The following R3HDM1 variants were observed in gnomAD, a reference collection of about 807,000 sequenced individuals.
R3HDM1 encodes R3H domain containing 1.
Under a neutral mutation model 141.1 loss-of-function variants are expected in R3HDM1, and 46 were observed. That is an observed-to-expected ratio of 0.33 (90% CI 0.26 to 0.42). The LOEUF is 0.42. Among genes scored for constraint, R3HDM1 ranks in the 10% least tolerant of loss-of-function variants. The probability of loss-of-function intolerance (pLI) is 1.00; values close to 1 mark genes in which losing one functional copy is unlikely to be tolerated. For synonymous variants in R3HDM1, 435 were observed against 472.9 expected, an observed-to-expected ratio of 0.92 and a Z score of 1.04; for missense variants, 1,184 against 1,368.3, an observed-to-expected ratio of 0.87 and a Z score of 2.12.
intron 1 of R3HDM1, chr2:135,577,150 A>C: frequency 1.0e-6 from 1 of 981,054 alleles, no homozygotes; most frequent in African/African-American, 1.7e-5. Flanking sequence ...TTTGTGTATG[A>C]AAAAGGCTTT....
At chr2:135,560,899 A>G (rs1701685951) in intron 1 of R3HDM1, among the ~76,000 whole-genome samples, 1 of 152,220 alleles carries the variant, frequency 6.6e-6, no homozygotes, top group Non-Finnish European at 1.5e-5. Context: ...AAGCATCCTG[A>G]GTCTCTGAGT....
intron 1 of R3HDM1, among the ~76,000 whole-genome samples, chr2:135,588,873 T>C (rs1280770138): frequency 6.6e-6 from 1 of 152,178 alleles, no homozygotes; most frequent in Non-Finnish European, 1.5e-5. Context: ...TCTGTATTTT[T>C]CAAATGTGTT....
chr2:135,662,527 CTTT>C lies in R3HDM1; in HGVS notation c.2152+1137_2152+1139del, dbSNP rs1219047182. ...TCGTTGTTAGTTTACAGGTTCTCCCCTTTTTAGTATGTTACTAGCCTTGTATTG... is the reference window on the plus strand; with the variant it reads ...TCGTTGTTAGTTTACAGGTTCTCCCCTTAGTATGTTACTAGCCTTGTATTG... On this transcript the variant is annotated intron_variant, in intron 19 of 26. Transcript: ENST00000683871. Among the ~76,000 whole-genome samples, 7 of 152,232 alleles carry C rather than the reference CTTT, an allele frequency of 4.6e-5. No individual in the cohort carries two copies. In the East Asian group the frequency reaches 1.4e-3, roughly 29 times the overall value.
intron 1 of R3HDM1, among the ~76,000 whole-genome samples, chr2:135,564,057 C>G (rs1216466049): frequency 2.0e-5 from 3 of 152,118 alleles, no homozygotes; most frequent in Non-Finnish European, 4.4e-5. Flanking sequence ...AGGACAGCAC[C>G]AAGCCATTCA....
In R3HDM1 at chr2:135,622,639, G is replaced by T; in HGVS notation, c.419-15G>T. On this transcript the variant is annotated splice_polypyrimidine_tract_variant and intron_variant, in intron 6 of 26. Coordinates refer to ENST00000683871, the MANE Select transcript of R3HDM1 (RefSeq NM_001378107.1). ...AAACAACTTTATACTGGGTTTTTGT[G>T]TTGTTGTTTTTTAGATTCCAGTCAA... The T allele has an allele frequency of 1.3e-6, 2 of 1,586,274 alleles. No homozygotes were observed. The highest frequency in any genetic ancestry group is 1.7e-6 in the Non-Finnish European group (2 of 1,165,936).
In R3HDM1 at chr2:135,593,684, G is replaced by A. The variant is rs1198515852; in HGVS notation, c.-249-8816G>A. Among the ~76,000 whole-genome samples, 6 of 151,530 alleles carry A rather than the reference G, an allele frequency of 4.0e-5. 1 individual carries two copies. The South Asian group carries it at 1.1e-3, about 27-fold the overall frequency. On this transcript the variant is annotated intron_variant, in intron 1 of 26. Transcript: ENST00000683871. Reference sequence around the variant, plus strand: ...TGTTCCCAACATGTTTAGTCTTCAGGGTACCATATTCTCTAGAATTTTCTT... The same window carrying A: ...TGTTCCCAACATGTTTAGTCTTCAGAGTACCATATTCTCTAGAATTTTCTT...
At chr2:135,684,729 G>A (rs2071033034) in intron 21 of R3HDM1, among the ~76,000 whole-genome samples, 1 of 151,736 alleles carries the variant, frequency 6.6e-6, no homozygotes, top group South Asian at 2.1e-4. Context: ...GAGTTTTAGT[G>A]AAATACACAT....
At chr2:135,608,459 A>G (rs1272698503) in intron 3 of R3HDM1, among the ~76,000 whole-genome samples, 1 of 152,182 alleles carries the variant, frequency 6.6e-6, no homozygotes, top group Non-Finnish European at 1.5e-5. Context: ...AACAGATTTA[A>G]TTAATGGAAA....
At chr2:135,643,950 T>C (rs2064092581) in intron 15 of R3HDM1, among the ~76,000 whole-genome samples, 1 of 152,112 alleles carries the variant, frequency 6.6e-6, no homozygotes, top group East Asian at 1.9e-4. Context: ...CAATACACAC[T>C]GGGGCTTATT....
chr2:135,684,748 G>A (rs2592399), intron 21 of R3HDM1, among the ~76,000 whole-genome samples: 2 of 147,286 alleles, frequency 1.4e-5, no homozygotes, highest in East Asian at 2.0e-4. Context: ...ATTCTCTTGC[G>A]TTTTTTTTTT....
intron 9 of R3HDM1, among the ~76,000 whole-genome samples, chr2:135,634,820 A>G (rs957539374): frequency 1.3e-5 from 2 of 152,232 alleles, no homozygotes; most frequent in African/African-American, 4.8e-5. Flanking sequence ...CTCTAAAGCC[A>G]TTTAATATAT....
chr2:135,560,006 A>T (rs1205545206), intron 1 of R3HDM1, among the ~76,000 whole-genome samples: 1 of 152,244 alleles, frequency 6.6e-6, no homozygotes, highest in Non-Finnish European at 1.5e-5. Context: ...TACTAAATCA[A>T]TTCAGTGAGA....
At chr2:135,638,404 A>G (rs1213463279) in intron 11 of R3HDM1, among the ~76,000 whole-genome samples, 2 of 152,226 alleles carry the variant, frequency 1.3e-5, no homozygotes, top group Admixed American at 6.5e-5. Context: ...CACAAAATGA[A>G]TAGTTTCAAG....
chr2:135,656,496 C>T (rs1166948367), intron 18 of R3HDM1: 7 of 151,552 alleles, frequency 4.6e-5, no homozygotes, highest in Admixed American at 1.3e-4. Context: ...GAATGCTTTA[C>T]GAATTTCCGT....
At chr2:135,606,988 TTTTTTTG>T (rs2060130633) in intron 3 of R3HDM1, among the ~76,000 whole-genome samples, 1 of 126,570 alleles carries the variant, frequency 7.9e-6, no homozygotes, top group South Asian at 2.8e-4. Flanking sequence ...GGGGGCGGGG[TTTTTTTG>T]TTTTTTGTTT....
At chr2:135,580,380 C>T (rs1706532624) in intron 1 of R3HDM1, among the ~76,000 whole-genome samples, 1 of 152,186 alleles carries the variant, frequency 6.6e-6, no homozygotes, top group South Asian at 2.1e-4. Flanking sequence ...AGGGCTCTCA[C>T]TATTTGAACT....
chr2:135,547,312 A>T (rs1698899101), intron 1 of R3HDM1, among the ~76,000 whole-genome samples: 1 of 152,178 alleles, frequency 6.6e-6, no homozygotes, highest in Admixed American at 6.5e-5. Context: ...TATCATTCTC[A>T]TCCTCTGTTT....
intron 19 of R3HDM1, chr2:135,670,254 A>G (rs1020887054): frequency 1.1e-6 from 1 of 888,552 alleles, no homozygotes; most frequent in African/African-American, 1.8e-5. Context: ...ATTTTAAATT[A>G]TATTTTAAGT....
chr2:135,597,628 G>GA (rs935346405), intron 1 of R3HDM1, among the ~76,000 whole-genome samples: 1 of 152,030 alleles, frequency 6.6e-6, no homozygotes, highest in African/African-American at 2.4e-5. Context: ...GTCTCTAAGA[G>GA]AAAAAACATA....
Sources: gnomAD v4.1 joint callset for allele counts (sites outside exome capture counted in the v4.1 genomes callset) on GRCh38, gnomAD v4.1.1 for gene constraint, MANE v1.5 for transcripts, NCBI Gene and HGNC (gene_info 2026-07-23, HGNC 2026-07-21) for gene names.